NRXN1: variants seen among roughly 807,000 people sequenced by gnomAD.
The protein encoded by NRXN1 is neurexin-1.
In NRXN1, 39 loss-of-function variants were observed where a neutral mutation model predicts 150.9. The observed-to-expected ratio is 0.26, with a 90% CI of 0.20 to 0.34. The LOEUF is 0.34. Among genes scored for constraint, NRXN1 ranks in the 10% least tolerant of loss-of-function variants. The pLI, the probability that NRXN1 is intolerant of heterozygous loss-of-function variation, is 1.00. For missense variants in NRXN1, 1,815 were observed against 1,949.9 expected (o/e 0.93, Z 1.30); for synonymous variants, 924 against 757.0 (o/e 1.22, Z -3.62).
chr2:50,362,793 C>T (rs1260586098), intron 17 of NRXN1, among the ~76,000 whole-genome samples: 1 of 152,124 alleles, frequency 6.6e-6, no homozygotes, highest in African/African-American at 2.4e-5. Context: ...CAAGACAATC[C>T]TAAGCAAAAA....
intron 5 of NRXN1, among the ~76,000 whole-genome samples, chr2:50,908,385 A>ACACACACACAAC (rs57664318): frequency 6.7e-6 from 1 of 150,136 alleles, no homozygotes; most frequent in Non-Finnish European, 1.5e-5. Flanking sequence ...ACACACACAC[A>ACACACACACAAC]ACCACACCCC....
intron 21 of NRXN1, among the ~76,000 whole-genome samples, chr2:50,002,707 C>T (rs962397527): frequency 1.3e-5 from 2 of 152,036 alleles, no homozygotes; most frequent in South Asian, 2.1e-4. Context: ...CTGCTCTGTC[C>T]GCCATTCCCG....
chr2:50,080,754 T>G (rs1329614411), intron 19 of NRXN1, among the ~76,000 whole-genome samples: 1 of 152,036 alleles, frequency 6.6e-6, no homozygotes, highest in Non-Finnish European at 1.5e-5. Flanking sequence ...GGTCCTATTC[T>G]GTGAAAAAAA....
rs1697959316 is a variant in NRXN1 at position 50,730,544 on chromosome 2, T to A, written c.833-106929A>T. On this transcript the variant is annotated intron_variant, in intron 5 of 22. Coordinates refer to ENST00000401669, the MANE Select transcript of NRXN1 (RefSeq NM_001330078.2). ...TTGACTAGTGCAGCCTTCAAAAAGATAACCAAAGACTCCCTACATCTCTCA... is the reference window on the plus strand; with the variant it reads ...TTGACTAGTGCAGCCTTCAAAAAGAAAACCAAAGACTCCCTACATCTCTCA... Among the ~76,000 whole-genome samples, 3 of 152,286 alleles carry A rather than the reference T, an allele frequency of 2.0e-5. No homozygotes were observed. The South Asian group carries it at 6.2e-4, about 32-fold the overall frequency.
intron 17 of NRXN1, among the ~76,000 whole-genome samples, chr2:50,389,046 T>A (rs1368618846): frequency 2.6e-5 from 4 of 151,954 alleles, no homozygotes; most frequent in Non-Finnish European, 5.9e-5. Flanking sequence ...TGTGCACCTG[T>A]AGTCCCAGCT....
chr2:50,297,187 C>T (rs2073688977), intron 17 of NRXN1, among the ~76,000 whole-genome samples: 1 of 152,158 alleles, frequency 6.6e-6, no homozygotes, highest in Admixed American at 6.5e-5. Context: ...CCGCACCCGG[C>T]TGGTTTGATT....
intron 18 of NRXN1, among the ~76,000 whole-genome samples, chr2:50,117,178 C>T (rs892395924): frequency 2.0e-5 from 3 of 152,138 alleles, no homozygotes; most frequent in African/African-American, 7.2e-5. Flanking sequence ...TATGTTAAAA[C>T]ATTTTCAGCC....
At chr2:49,991,093 A>C (rs1422529865) in intron 21 of NRXN1, among the ~76,000 whole-genome samples, 1 of 152,216 alleles carries the variant, frequency 6.6e-6, no homozygotes, top group South Asian at 2.1e-4. Flanking sequence ...CAAATTGATA[A>C]AGAACATTCT....
intron 17 of NRXN1, among the ~76,000 whole-genome samples, chr2:50,358,297 C>T (rs1449229187): frequency 6.6e-6 from 1 of 152,210 alleles, no homozygotes; most frequent in African/African-American, 2.4e-5. Context: ...GCGAATCCCA[C>T]CCCCCTGGAG....
chr2:50,915,824 A>G (rs1427586651), intron 5 of NRXN1, among the ~76,000 whole-genome samples: 2 of 150,934 alleles, frequency 1.3e-5, no homozygotes, highest in East Asian at 3.9e-4. Context: ...CACTTTTGCA[A>G]TTTGTCATGT....
intron 18 of NRXN1, among the ~76,000 whole-genome samples, chr2:50,159,778 TC>T (rs1435698221): frequency 2.6e-5 from 4 of 152,088 alleles, no homozygotes; most frequent in Admixed American, 2.0e-4. Flanking sequence ...GGAAGGATGT[TC>T]CAATGATATG....
intron 5 of NRXN1, among the ~76,000 whole-genome samples, chr2:50,781,025 A>G (rs1310247747): frequency 1.3e-5 from 2 of 152,236 alleles, no homozygotes; most frequent in Admixed American, 6.5e-5. Context: ...TATGAATGCT[A>G]GCACAAAATT....
chr2:50,167,443 G>A (rs951940932), intron 18 of NRXN1, among the ~76,000 whole-genome samples: 2 of 151,486 alleles, frequency 1.3e-5, no homozygotes, highest in African/African-American at 4.9e-5. Context: ...TTAGATACTA[G>A]AATATTTTAA....
At chr2:50,882,314 C>A (rs1679563791) in intron 5 of NRXN1, among the ~76,000 whole-genome samples, 1 of 151,862 alleles carries the variant, frequency 6.6e-6, no homozygotes, top group African/African-American at 2.4e-5. Flanking sequence ...CCAACATTTC[C>A]TCTGGTTTAA....
At chr2:50,040,856 C>G (rs1819971) in intron 21 of NRXN1, among the ~76,000 whole-genome samples, 51,545 of 150,830 alleles carry the variant, frequency 0.34, 9,150 homozygotes, top group East Asian at 0.56. Flanking sequence ...CTTTTTTTTT[C>G]TATTTCCTTT....
At chr2:50,532,572 TA>T (rs2093146590) in intron 10 of NRXN1, among the ~76,000 whole-genome samples, 27 of 152,166 alleles carry the variant, frequency 1.8e-4, no homozygotes, top group Admixed American at 1.2e-3. Context: ...TAACTTTAAA[TA>T]TTATCTATAA....
At chr2:50,140,471 C>T (rs368955111) in intron 18 of NRXN1, among the ~76,000 whole-genome samples, 13 of 152,056 alleles carry the variant, frequency 8.5e-5, no homozygotes, top group African/African-American at 3.1e-4. Context: ...CCACATTTAT[C>T]TAAGCCTTTA....
intron 17 of NRXN1, among the ~76,000 whole-genome samples, chr2:50,361,659 C>A (rs1244530575): frequency 6.6e-6 from 1 of 152,162 alleles, no homozygotes; most frequent in East Asian, 1.9e-4. Context: ...CAGCCTAATT[C>A]TACCAGAGGT....
chr2:50,570,228 G>A (rs958873546), intron 8 of NRXN1, among the ~76,000 whole-genome samples: 1 of 151,914 alleles, frequency 6.6e-6, no homozygotes, highest in Non-Finnish European at 1.5e-5. Flanking sequence ...GAGGAAGAAG[G>A]AGTAAGACAT....
Sources: allele counts gnomAD v4.1 joint callset (sites outside exome capture counted in the v4.1 genomes callset), GRCh38; gene constraint gnomAD v4.1.1; transcripts MANE v1.5; gene names NCBI Gene and HGNC (gene_info 2026-07-23, HGNC 2026-07-21).